PTPRD: variants seen among roughly 807,000 people sequenced by gnomAD.
PTPRD encodes protein tyrosine phosphatase receptor type D, also known as receptor-type tyrosine-protein phosphatase delta.
In PTPRD, 34 loss-of-function variants were observed where a neutral mutation model predicts 214.5. The observed-to-expected ratio is 0.16, with a 90% CI of 0.12 to 0.21. PTPRD has a LOEUF of 0.21. PTPRD is among the 10% of genes least tolerant of loss of function. The pLI is 1.00. For synonymous variants in PTPRD, 1,128 were observed against 845.7 expected (o/e 1.33, Z -5.79); for missense variants, 2,545 against 2,398.7 (o/e 1.06, Z -1.27).
intron 5 of PTPRD, among the ~76,000 whole-genome samples, chr9:9,937,081 TG>T (rs1350586117): frequency 1.3e-5 from 2 of 151,662 alleles, no homozygotes; most frequent in Non-Finnish European, 2.9e-5. Flanking sequence ...GTTGTTGGGT[TG>T]GGGGAAGGGG....
At chr9:10,299,703 T>A (rs939075798) in intron 3 of PTPRD, among the ~76,000 whole-genome samples, 3 of 152,160 alleles carry the variant, frequency 2.0e-5, no homozygotes, top group Non-Finnish European at 4.4e-5. Context: ...CTACAGGTCA[T>A]AACAGCTGGT....
intron 39 of PTPRD, among the ~76,000 whole-genome samples, chr9:8,359,381 G>T (rs1043292767): frequency 6.6e-6 from 1 of 151,900 alleles, no homozygotes; most frequent in African/African-American, 2.4e-5. Flanking sequence ...CTGGAGTGCA[G>T]TGGTACAATC....
Position 9,724,141 on chromosome 9 carries a change from T to A in PTPRD, c.-287+10392A>T, listed in dbSNP as rs533648995. Among the ~76,000 whole-genome samples the A allele has an allele frequency of 3.3e-5, 5 of 152,306 alleles. No homozygotes were observed. The South Asian group carries it at 8.3e-4, about 25-fold the overall frequency. On this transcript the variant is annotated intron_variant, in intron 7 of 45. Transcript: ENST00000381196. Reference sequence around the variant, plus strand: ...TATTGTTGTAGCTAAATTCATGTGATTGACTTCTAGTTTCAGTACAGTCTT... The same window carrying A: ...TATTGTTGTAGCTAAATTCATGTGAATGACTTCTAGTTTCAGTACAGTCTT...
At chr9:10,518,680 C>T (rs564480462) in intron 2 of PTPRD, among the ~76,000 whole-genome samples, 9 of 151,820 alleles carry the variant, frequency 5.9e-5, no homozygotes, top group Non-Finnish European at 8.8e-5. Context: ...CTACAGGCGC[C>T]CGCCACCACA....
Position 9,216,430 on chromosome 9 carries a change from C to A in PTPRD, c.-202-33067G>T, listed in dbSNP as rs548904080. 1.6e-3 allele frequency among the ~76,000 whole-genome samples: 250 copies of A among 152,272 alleles called. 2 individuals carry two copies. Among genetic ancestry groups the A allele is most frequent in the African/African-American group, 5.7e-3 (236 of 41,550 alleles). On this transcript the variant is annotated intron_variant, in intron 9 of 45. Transcript: ENST00000381196. ...TGGGATAAAATATGTAATCCTGAGC[C>A]TAGGAATTTTAAACTTCAAATCCTA... is the stretch of plus-strand genomic sequence containing the variant.
intron 9 of PTPRD, among the ~76,000 whole-genome samples, chr9:9,238,648 G>A (rs2099968580): frequency 1.3e-5 from 2 of 152,152 alleles, no homozygotes; most frequent in East Asian, 1.9e-4. Flanking sequence ...AGAATAAGCT[G>A]GGCATAGAAT....
chr9:10,051,599 A>G (rs200917535), intron 3 of PTPRD, among the ~76,000 whole-genome samples: 1 of 137,506 alleles, frequency 7.3e-6, no homozygotes, highest in South Asian at 2.3e-4. Context: ...ATCCCTCCCC[A>G]CTCCCCCCAC....
intron 14 of PTPRD, among the ~76,000 whole-genome samples, chr9:8,566,568 G>T (rs966560481): frequency 6.6e-6 from 1 of 152,172 alleles, no homozygotes; most frequent in African/African-American, 2.4e-5. Flanking sequence ...GGCAAGAGTT[G>T]AAGGAACAGA....
intron 9 of PTPRD, among the ~76,000 whole-genome samples, chr9:9,359,477 C>G (rs1481048357): frequency 1.3e-5 from 2 of 151,234 alleles, no homozygotes; most frequent in African/African-American, 4.8e-5. Flanking sequence ...TTCATAAAAA[C>G]AGTGTTTGCA....
chr9:9,210,270 A>C (rs1194567581), intron 9 of PTPRD, among the ~76,000 whole-genome samples: 2 of 152,152 alleles, frequency 1.3e-5, no homozygotes, highest in Non-Finnish European at 2.9e-5. Context: ...GTAACTCTTC[A>C]AAACGAATCT....
intron 11 of PTPRD, among the ~76,000 whole-genome samples, chr9:8,829,616 C>T (rs559302062): frequency 6.6e-6 from 1 of 152,260 alleles, no homozygotes; most frequent in Non-Finnish European, 1.5e-5. Context: ...GACTTGCACA[C>T]AGGTTGTTGT....
chr9:9,493,719 C>T (rs11506306), intron 8 of PTPRD, among the ~76,000 whole-genome samples: 12,985 of 136,148 alleles, frequency 0.095, 682 homozygotes, highest in Middle Eastern at 0.15. Flanking sequence ...ACCCAGGAGG[C>T]AGAGCTTGCA....
chr9:8,941,898 C>T (rs1418187637), intron 11 of PTPRD, among the ~76,000 whole-genome samples: 1 of 152,124 alleles, frequency 6.6e-6, no homozygotes, highest in African/African-American at 2.4e-5. Context: ...CTCCGCCTCC[C>T]GGGTTCAAGC....
chr9:10,067,971 C>A (rs1371138111), intron 3 of PTPRD, among the ~76,000 whole-genome samples: 1 of 151,904 alleles, frequency 6.6e-6, no homozygotes, highest in Non-Finnish European at 1.5e-5. Context: ...GGATTTTGTG[C>A]TAGCTGACTC....
chr9:9,653,319 G>A (rs1435677007), intron 7 of PTPRD, among the ~76,000 whole-genome samples: 9 of 117,664 alleles, frequency 7.6e-5, no homozygotes, highest in African/African-American at 2.4e-4. Flanking sequence ...TCCGCAGTCC[G>A]GCCTGGGCGA....
chr9:9,059,114 A>C (rs2099702516), intron 10 of PTPRD, among the ~76,000 whole-genome samples: 1 of 152,150 alleles, frequency 6.6e-6, no homozygotes, highest in Admixed American at 6.5e-5. Flanking sequence ...TACCACATGA[A>C]AAAAATATAA....
At chr9:10,194,583 C>T (rs185197478) in intron 3 of PTPRD, among the ~76,000 whole-genome samples, 88 of 152,098 alleles carry the variant, frequency 5.8e-4, no homozygotes, top group Non-Finnish European at 1.1e-3. Flanking sequence ...CATGAACCTA[C>T]CTCATACCCA....
At chr9:9,071,086 T>A (rs984519791) in intron 10 of PTPRD, among the ~76,000 whole-genome samples, 1 of 152,150 alleles carries the variant, frequency 6.6e-6, no homozygotes, top group African/African-American at 2.4e-5. Context: ...GCTAATCTTT[T>A]AATTTTTTTG....
chr9:9,258,947 T>C (rs2099978930), intron 9 of PTPRD, among the ~76,000 whole-genome samples: 1 of 151,942 alleles, frequency 6.6e-6, no homozygotes, highest in African/African-American at 2.4e-5. Context: ...TTGATTCATT[T>C]TAACAGTGTT....
Sources: allele counts gnomAD v4.1 joint callset (sites outside exome capture counted in the v4.1 genomes callset), GRCh38; gene constraint gnomAD v4.1.1; transcripts MANE v1.5; gene names NCBI Gene and HGNC (gene_info 2026-07-23, HGNC 2026-07-21).